The following CACNA1C variants were observed in gnomAD, a reference collection of about 807,000 sequenced individuals.
CACNA1C encodes the protein voltage-dependent L-type calcium channel subunit alpha-1C.
In CACNA1C, 30 loss-of-function variants were observed where a neutral mutation model predicts 229.0. The ratio of observed to expected loss-of-function variants is 0.13; its 90% CI spans 0.10 to 0.18. The LOEUF is 0.18. CACNA1C is among the 10% of genes least tolerant of loss of function. The pLI is 1.00. For synonymous variants in CACNA1C, 1,114 were observed against 1,132.5 expected (o/e 0.98, Z 0.33); for missense variants, 1,658 against 2,845.0 (o/e 0.58, Z 9.49).
In CACNA1C at chr12:2,605,888, C is replaced by A; in HGVS notation, c.3156+102C>A. On this transcript the variant is annotated intron_variant, in intron 24 of 46. Transcript: ENST00000399655. This position sits in a 1 kb window ranked among gnomAD's most constrained non-coding sequence, Gnocchi z 6.2. The stretch of plus-strand genomic sequence containing the variant: ...AGTACAAACGAGACAGTGTCCTGAG[C>A]CAGACTTGGCTTGGATATAACCTCC... 1 of 825,230 alleles carries A rather than the reference C, an allele frequency of 1.2e-6. No individual in the cohort carries two copies. Among genetic ancestry groups the A allele is most frequent in the Non-Finnish European group, 2.1e-6 (1 of 487,604 alleles). The allele number at this position is 825,230 out of a possible 1,614,324, so 51.1% of individuals were successfully genotyped here. A position where few individuals can be genotyped will look rare whatever the true frequency, so the allele number is the denominator to read the frequency against.
chr12:2,059,909 C>T (rs538371533), intron 1 of CACNA1C, among the ~76,000 whole-genome samples: 7 of 152,230 alleles, frequency 4.6e-5, no homozygotes, highest in South Asian at 4.2e-4. Context: ...GATCTTTCAA[C>T]CTCTCTATTC....
intron 9 of CACNA1C, among the ~76,000 whole-genome samples, chr12:2,514,720 G>T (rs1271023546): frequency 6.6e-6 from 1 of 152,086 alleles, no homozygotes; most frequent in African/African-American, 2.4e-5. Context: ...TTGAAAACCT[G>T]CAGTAGCCAC....
chr12:2,310,342 T>TAAAAAAAAAAAAA (rs1262171750), intron 3 of CACNA1C, among the ~76,000 whole-genome samples: 28 of 144,244 alleles, frequency 1.9e-4, no homozygotes, highest in African/African-American at 7.4e-4. Context: ...GCCTCCCAGT[T>TAAAAAAAAAAAAA]AAAAAAAAAA....
At chr12:1,987,485 C>T (rs1405448641) in intron 1 of CACNA1C, among the ~76,000 whole-genome samples, 1 of 152,134 alleles carries the variant, frequency 6.6e-6, no homozygotes, top group Non-Finnish European at 1.5e-5. Flanking sequence ...ATACTGTGAA[C>T]TTCATAGCAA....
chr12:2,446,234 G>GAT (rs56236444), intron 3 of CACNA1C, among the ~76,000 whole-genome samples: 2,470 of 149,254 alleles, frequency 0.017, 31 homozygotes, highest in Non-Finnish European at 0.024. Context: ...TGGATGGATG[G>GAT]GTAGGTGGGT....
intron 3 of CACNA1C, among the ~76,000 whole-genome samples, chr12:2,322,312 T>C (rs756594999): frequency 6.6e-6 from 1 of 152,138 alleles, no homozygotes; most frequent in Non-Finnish European, 1.5e-5. Flanking sequence ...AGTAAAGCTT[T>C]TCCTAACTTC....
At chr12:2,612,341 G>A (rs2078249848) in intron 29 of CACNA1C, 2 of 211,128 alleles carry the variant, frequency 9.5e-6, no homozygotes, top group Admixed American at 5.4e-5. Context: ...TACATAACCT[G>A]TTAATAGAAG....
chr12:2,260,612 C>T (rs949624687), intron 3 of CACNA1C, among the ~76,000 whole-genome samples: 5 of 152,160 alleles, frequency 3.3e-5, no homozygotes, highest in Admixed American at 1.3e-4. Context: ...GCCCTCGGCC[C>T]GTCCTGGAGT....
intron 1 of CACNA1C, among the ~76,000 whole-genome samples, chr12:2,096,284 A>T (rs2073928523): frequency 6.6e-6 from 1 of 152,198 alleles, no homozygotes; most frequent in South Asian, 2.1e-4. Context: ...TTGATATTTG[A>T]AAACAATTTA....
intron 3 of CACNA1C, among the ~76,000 whole-genome samples, chr12:2,263,300 C>T (rs1253069581): frequency 6.6e-6 from 1 of 151,442 alleles, no homozygotes. Context: ...TGTCTGGGAG[C>T]AGGAGGGCCA....
At chr12:2,432,471 T>G (rs1240637020) in intron 3 of CACNA1C, among the ~76,000 whole-genome samples, 1 of 152,118 alleles carries the variant, frequency 6.6e-6, no homozygotes, top group Non-Finnish European at 1.5e-5. Flanking sequence ...GAAAGGGACT[T>G]GATTTTCTGG....
intron 1 of CACNA1C, among the ~76,000 whole-genome samples, chr12:2,063,036 A>T (rs917783857): frequency 5.3e-5 from 8 of 152,152 alleles, no homozygotes; most frequent in Non-Finnish European, 1.2e-4. Context: ...CCCGCAAAAA[A>T]TACCCTTTAC....
intron 3 of CACNA1C, among the ~76,000 whole-genome samples, chr12:2,151,211 T>G (rs753280796): frequency 1.6e-4 from 24 of 152,126 alleles, no homozygotes; most frequent in Non-Finnish European, 3.4e-4. Context: ...GATCAGATCA[T>G]CTCATCCAAT....
At chr12:2,674,747 T>A in intron 39 of CACNA1C, 105 bp downstream of exon 39, 1 of 1,092,104 alleles carries the variant, frequency 9.2e-7, no homozygotes, top group Non-Finnish European at 1.3e-6. Context: ...AAGCATCCCC[T>A]GAGACTTGCT....
At chr12:2,330,898 C>T (rs1299385847) in intron 3 of CACNA1C, among the ~76,000 whole-genome samples, 1 of 152,158 alleles carries the variant, frequency 6.6e-6, no homozygotes. Flanking sequence ...TATCAAATGT[C>T]TGACTGGGGG....
At chr12:2,098,783 G>C (rs1010373396) in intron 1 of CACNA1C, among the ~76,000 whole-genome samples, 1 of 152,192 alleles carries the variant, frequency 6.6e-6, no homozygotes, top group Non-Finnish European at 1.5e-5. Context: ...TGCGTGCCCC[G>C]AGGCTTTATC....
At chr12:2,623,141 A>G (rs2084270617) in intron 29 of CACNA1C, among the ~76,000 whole-genome samples, 1 of 152,066 alleles carries the variant, frequency 6.6e-6, no homozygotes, top group African/African-American at 2.4e-5. Context: ...TTGCCTGAAG[A>G]AAAAAAAGTG....
intron 2 of CACNA1C, among the ~76,000 whole-genome samples, chr12:2,119,012 CTG>C: frequency 6.6e-6 from 1 of 152,320 alleles, no homozygotes; most frequent in East Asian, 1.9e-4. Flanking sequence ...GTTCAGAATT[CTG>C]TGACGCTGGC....
intron 43 of CACNA1C, among the ~76,000 whole-genome samples, chr12:2,682,917 C>T (rs866064424): frequency 0.067 from 509 of 7,614 alleles, 3 homozygotes; most frequent in African/African-American, 0.23. Flanking sequence ...CACACATACA[C>T]GATGCCCTTT....
Sources: gnomAD v4.1 joint callset for allele counts (sites outside exome capture counted in the v4.1 genomes callset) on GRCh38, gnomAD v4.1.1 for gene constraint, Gnocchi (gnomAD v3.1) non-coding constraint, MANE v1.5 for transcripts, NCBI Gene and HGNC (gene_info 2026-07-23, HGNC 2026-07-21) for gene names.